The following RGSL1 variants were observed in gnomAD, a reference collection of about 807,000 sequenced individuals.
RGSL1 encodes the protein regulator of G protein signaling like 1, also known as regulator of G protein signaling protein-like.
Under a neutral mutation model 124.7 loss-of-function variants are expected in RGSL1, and 97 were observed. That is an observed-to-expected ratio of 0.78 (90% confidence interval 0.66 to 0.92). The LOEUF (loss-of-function observed/expected upper bound fraction) is 0.92. RGSL1 is among the 40% of genes least tolerant of loss of function. The pLI is 0.00. For missense variants in RGSL1, 1,233 were observed against 1,288.4 expected (o/e 0.96, Z 0.66); for synonymous variants, 424 against 438.1 (o/e 0.97, Z 0.40).
intron 4 of RGSL1, among the ~76,000 whole-genome samples, chr1:182,462,771 T>G (rs1239711295): frequency 1.3e-5 from 2 of 152,202 alleles, no homozygotes; most frequent in Non-Finnish European, 2.9e-5. Context: ...TAAGCTGATA[T>G]AAATCAACTT....
chr1:182,548,608 G>C, intron 16 of RGSL1, 92 bp from the exon 17 acceptor site: 1 of 1,522,600 alleles, frequency 6.6e-7, no homozygotes, highest in Non-Finnish European at 8.8e-7. Context: ...GCCTTTTGGA[G>C]AGGGGGTGGT....
chr1:182,530,379 A>G lies in RGSL1; in HGVS notation c.2243+18A>G. The G allele has an allele frequency of 1.3e-6, 2 of 1,532,322 alleles. No individual in the cohort carries two copies. Among genetic ancestry groups the G allele is most frequent in the South Asian group, 1.2e-5 (1 of 82,866 alleles). The allele number at this position is 1,532,322 out of a possible 1,614,324, so 94.9% of individuals were successfully genotyped here. A position where few individuals can be genotyped will look rare whatever the true frequency, so the allele number is the denominator to read the frequency against. ...GAAAAGTGGTGAGTATACTCAATTA[A>G]GGAAAGGATTCTTCCTGGAGTTGCT... On this transcript the variant is annotated intron_variant, in intron 12 of 21. Coordinates refer to ENST00000294854, the MANE Select transcript of RGSL1 (RefSeq NM_001137669.2).
At position 182,532,854 on chromosome 1, in the gene RGSL1, C is replaced by T; in HGVS notation, c.2494+63C>T. The T allele has an allele frequency of 4.0e-6, 6 of 1,490,442 alleles. No homozygotes were observed. The Middle Eastern group carries it at 5.2e-4, about 130-fold the overall frequency. 92.3% of individuals were successfully genotyped at this position (1,490,442 alleles called of 1,614,324 possible). A position where few individuals can be genotyped will look rare whatever the true frequency, so the allele number is the denominator to read the frequency against. On this transcript the variant is annotated intron_variant, in intron 14 of 21. Transcript: ENST00000294854. ...TATTTTAGCCATGAGGGTCAGCCCACATAAGAAGCTTATTGCTTTGTGTCA... is the reference window on the plus strand; with the variant it reads ...TATTTTAGCCATGAGGGTCAGCCCATATAAGAAGCTTATTGCTTTGTGTCA...
intron 1 of RGSL1, chr1:182,453,532 G>A (rs12744324): frequency 0.13 from 20,471 of 155,694 alleles, 1,566 homozygotes; most frequent in Non-Finnish European, 0.18. Context: ...GAATTGCCTG[G>A]TGACTAGCCA....
intron 8 of RGSL1, among the ~76,000 whole-genome samples, chr1:182,491,685 GTGATGA>G (rs143606584): frequency 6.6e-6 from 1 of 151,754 alleles, no homozygotes; most frequent in Non-Finnish European, 1.5e-5. Context: ...ACACATCATG[GTGATGA>G]TGATGATGAT....
chr1:182,470,701 C>A (rs1488009235), intron 4 of RGSL1, among the ~76,000 whole-genome samples: 1 of 152,016 alleles, frequency 6.6e-6, no homozygotes, highest in African/African-American at 2.4e-5. Flanking sequence ...TCCTTGGAGG[C>A]AGGGATTTTT....
At chr1:182,491,080 G>A (rs942048200) in intron 8 of RGSL1, among the ~76,000 whole-genome samples, 2 of 151,368 alleles carry the variant, frequency 1.3e-5, no homozygotes, top group African/African-American at 4.9e-5. Flanking sequence ...GTAGAGATGG[G>A]TCTTGCCATG....
chr1:182,542,171 A>G (rs1026815448), intron 15 of RGSL1, among the ~76,000 whole-genome samples: 1 of 152,004 alleles, frequency 6.6e-6, no homozygotes, highest in Non-Finnish European at 1.5e-5. Context: ...ATGTTTCCCC[A>G]ATGTTTTCTT....
chr1:182,474,492 TCTGGGGATGTGATCCC>T lies in RGSL1; in HGVS notation c.1386_1401del (p.Asp463PhefsTer20), dbSNP rs1654129514. The T allele has an allele frequency of 6.5e-7, 1 of 1,550,354 alleles. No individual in the cohort carries two copies. The highest frequency in any genetic ancestry group is 1.2e-5 in the South Asian group (1 of 84,000). ...TCAGGGCCTGAAGGAACTATTGCCC[TCTGGGGATGTGATCCC>T]CTGGATTCCCAAAGCCCAGAAGGAG... On this transcript the variant is annotated frameshift_variant, in exon 6 of 22. Transcript: ENST00000294854. LOFTEE classifies it high-confidence loss of function.
At chr1:182,509,648 G>GT (rs1657194209) in intron 9 of RGSL1, among the ~76,000 whole-genome samples, 1 of 134,498 alleles carries the variant, frequency 7.4e-6, no homozygotes. Context: ...CCCGGACGGG[G>GT]CGGCTGGCCG....
intron 6 of RGSL1, among the ~76,000 whole-genome samples, chr1:182,486,029 T>G (rs184685897): frequency 6.6e-6 from 1 of 152,342 alleles, no homozygotes; most frequent in African/African-American, 2.4e-5. Context: ...AGAAAATGTT[T>G]GCAGAACCTT....
chr1:182,474,598 T>TA (rs1654140515), intron 6 of RGSL1, 56 bp downstream of exon 6: 1 of 1,476,024 alleles, frequency 6.8e-7, no homozygotes, highest in Admixed American at 2.5e-5. Flanking sequence ...CAAAACTGAC[T>TA]AAAAATCCCA....
chr1:182,518,721 G>C (rs1354445028), intron 9 of RGSL1, among the ~76,000 whole-genome samples: 1 of 152,168 alleles, frequency 6.6e-6, no homozygotes, highest in African/African-American at 2.4e-5. Flanking sequence ...CATAATGCGG[G>C]GAGGGGTATC....
chr1:182,511,325 C>T (rs368158213), intron 9 of RGSL1, among the ~76,000 whole-genome samples: 26 of 152,158 alleles, frequency 1.7e-4, no homozygotes, highest in East Asian at 3.9e-4. Flanking sequence ...CCACCATGCC[C>T]GGCTAATTTT....
chr1:182,526,781 C>A (rs1658780507), intron 10 of RGSL1, among the ~76,000 whole-genome samples: 1 of 151,974 alleles, frequency 6.6e-6, no homozygotes, highest in Non-Finnish European at 1.5e-5. Context: ...TTTACAAAAT[C>A]TAAGACACAT....
chr1:182,552,990 C>T (rs765119094), intron 18 of RGSL1, among the ~76,000 whole-genome samples: 6 of 152,252 alleles, frequency 3.9e-5, no homozygotes, highest in East Asian at 1.9e-4. Flanking sequence ...CCACACCCTC[C>T]GCCTCCTGGG....
chr1:182,461,338 C>T (rs1652816810), intron 4 of RGSL1, among the ~76,000 whole-genome samples: 1 of 150,724 alleles, frequency 6.6e-6, no homozygotes, highest in Non-Finnish European at 1.5e-5. Flanking sequence ...ATAATAACAA[C>T]TAACAAAATT....
chr1:182,498,895 C>T (rs1037811450), intron 9 of RGSL1, among the ~76,000 whole-genome samples: 5 of 151,722 alleles, frequency 3.3e-5, no homozygotes, highest in South Asian at 2.1e-4. Context: ...TGGGTTCAAG[C>T]GATTCTCCTG....
intron 14 of RGSL1, among the ~76,000 whole-genome samples, chr1:182,537,788 T>C (rs1388113517): frequency 6.6e-6 from 1 of 152,198 alleles, no homozygotes; most frequent in African/African-American, 2.4e-5. Flanking sequence ...GACCGTTCTT[T>C]AATGCTTTCA....
Sources: allele counts gnomAD v4.1 joint callset (sites outside exome capture counted in the v4.1 genomes callset), GRCh38; gene constraint gnomAD v4.1.1; transcripts MANE v1.5; gene names NCBI Gene and HGNC (gene_info 2026-07-23, HGNC 2026-07-21).